The following ENOX1 variants were observed in gnomAD, a reference collection of about 807,000 sequenced individuals.
ENOX1 encodes candidate growth-related and time keeping constitutive hydroquinone (NADH) oxidase.
Under a neutral mutation model 82.5 loss-of-function variants are expected in ENOX1, and 42 were observed. The observed-to-expected ratio is 0.51, with a 90% CI of 0.40 to 0.66. The LOEUF is 0.66. Among genes scored for constraint, ENOX1 ranks in the 30% least tolerant of loss-of-function variants. The pLI is 0.00. For missense variants in ENOX1, 608 were observed against 811.6 expected, an observed-to-expected ratio of 0.75 and a Z score of 3.05; for synonymous variants, 271 against 282.2, an observed-to-expected ratio of 0.96 and a Z score of 0.40.
chr13:43,298,375 G>A lies in ENOX1; in HGVS notation c.1417C>T (p.Leu473=). 6.2e-7 allele frequency: 1 copy of A among 1,611,848 alleles called. No individual in the cohort carries two copies. The highest frequency in any genetic ancestry group is 8.5e-7 in the Non-Finnish European group (1 of 1,179,546). ...TGCATGCCTTGCATGGTTTGCTGCAGAAACTGCAGTTGCTGGTCCTTGGTG... is the reference window on the plus strand; with the variant it reads ...TGCATGCCTTGCATGGTTTGCTGCAAAAACTGCAGTTGCTGGTCCTTGGTG... ...NLTKDQQLQF[L]QQTMQGMQQQ... Residue 473 remains leucine (L), a synonymous_variant, in exon 12 of 17, where the codon CTG becomes TTG. Transcript: ENST00000690772.
intron 15 of ENOX1, among the ~76,000 whole-genome samples, chr13:43,224,486 T>A (rs1566275253): frequency 6.6e-6 from 1 of 152,206 alleles, no homozygotes; most frequent in East Asian, 1.9e-4. Context: ...AAGGATAAAA[T>A]TATCTTTTCT....
chr13:43,506,700 G>A (rs867421989), intron 2 of ENOX1, among the ~76,000 whole-genome samples: 3 of 130,656 alleles, frequency 2.3e-5, no homozygotes, highest in Admixed American at 7.8e-5. Context: ...CATGGATGAA[G>A]CTGGAAACCA....
At chr13:43,589,216 G>GAAAAAAAAAAAAAAAAAAAA (rs58912569) in intron 2 of ENOX1, among the ~76,000 whole-genome samples, 1 of 79,768 alleles carries the variant, frequency 1.3e-5, no homozygotes, top group Non-Finnish European at 2.2e-5. Context: ...GACATTAATG[G>GAAAAAAAAAAAAAAAAAAAA]AAAAAAAAAA....
chr13:43,276,906 G>C (rs963669395), intron 12 of ENOX1, among the ~76,000 whole-genome samples: 3 of 152,176 alleles, frequency 2.0e-5, no homozygotes, highest in Admixed American at 1.3e-4. Flanking sequence ...ATCTATTCTA[G>C]TTTAAAACGT....
chr13:43,726,539 C>G (rs1253310581), intron 1 of ENOX1, among the ~76,000 whole-genome samples: 2 of 152,018 alleles, frequency 1.3e-5, no homozygotes, highest in Non-Finnish European at 2.9e-5. Context: ...TTTAATCATT[C>G]ATTGACCACT....
intron 1 of ENOX1, among the ~76,000 whole-genome samples, chr13:43,784,319 G>A (rs1230397625): frequency 6.6e-6 from 1 of 152,016 alleles, no homozygotes; most frequent in East Asian, 1.9e-4. Flanking sequence ...GGGAAATCAA[G>A]GTATGAACTA....
chr13:43,632,031 C>G (rs2083238362), intron 2 of ENOX1, among the ~76,000 whole-genome samples: 1 of 152,190 alleles, frequency 6.6e-6, no homozygotes. Context: ...GTTTGCCCTT[C>G]TTGGAGCAGC....
chr13:43,731,725 G>A (rs766999788), intron 1 of ENOX1, among the ~76,000 whole-genome samples: 1 of 152,090 alleles, frequency 6.6e-6, no homozygotes, highest in Non-Finnish European at 1.5e-5. Flanking sequence ...CGAAATCACT[G>A]TCTAACTGGC....
intron 3 of ENOX1, among the ~76,000 whole-genome samples, chr13:43,427,063 C>T (rs1000860185): frequency 6.6e-6 from 1 of 152,176 alleles, no homozygotes; most frequent in Non-Finnish European, 1.5e-5. Flanking sequence ...TGACACAGTT[C>T]TCTTCAATCT....
chr13:43,560,269 T>G (rs1412919501), intron 2 of ENOX1, among the ~76,000 whole-genome samples: 1 of 152,214 alleles, frequency 6.6e-6, no homozygotes, highest in Admixed American at 6.5e-5. Flanking sequence ...GCTTTTAGGT[T>G]ACTTCTGAGT....
intron 14 of ENOX1, among the ~76,000 whole-genome samples, chr13:43,247,850 TATATATATATATATATATATATATATA>T (rs2043178535): frequency 0.016 from 34 of 2,192 alleles, 3 homozygotes; most frequent in East Asian, 0.062. Context: ...TATATATATA[TATATATATATATATATATATATATATA>T]TATATATTTT....
intron 3 of ENOX1, among the ~76,000 whole-genome samples, chr13:43,433,086 C>T (rs185562684): frequency 6.6e-6 from 1 of 152,072 alleles, no homozygotes; most frequent in African/African-American, 2.4e-5. Context: ...ATACCCGAGG[C>T]CAAGTACTTT....
rs560772389 is a variant in ENOX1, at chr13:43,445,327, G to T, written c.-74-32339C>A. Among the ~76,000 whole-genome samples the T allele has an allele frequency of 3.3e-5, 5 of 152,160 alleles. No individual in the cohort carries two copies. The South Asian group carries it at 6.2e-4, about 19-fold the overall frequency. On this transcript the variant is annotated intron_variant, in intron 3 of 16. Coordinates refer to ENST00000690772, the MANE Select transcript of ENOX1 (RefSeq NM_001347969.2). ...TTTAGTAGAGATGGGGTTTCACCGTGTTAGCCAGGATGGTCTTGATCTCCT... is the reference window on the plus strand; with the variant it reads ...TTTAGTAGAGATGGGGTTTCACCGTTTTAGCCAGGATGGTCTTGATCTCCT...
At chr13:43,479,944 T>TA (rs1593413307) in intron 3 of ENOX1, among the ~76,000 whole-genome samples, 1 of 151,830 alleles carries the variant, frequency 6.6e-6, no homozygotes, top group East Asian at 1.9e-4. Flanking sequence ...TTTTTATTTT[T>TA]TTTTTTTTGA....
At chr13:43,349,882 AC>A (rs910676939) in intron 8 of ENOX1, among the ~76,000 whole-genome samples, 14 of 81,502 alleles carry the variant, frequency 1.7e-4, no homozygotes, top group African/African-American at 4.7e-4. Flanking sequence ...TGTCCCCACG[AC>A]CAATTAAATC....
chr13:43,307,170 C>A lies in ENOX1; in HGVS notation c.1262-8640G>T, dbSNP rs4942206. On this transcript the variant is annotated intron_variant, in intron 11 of 16. Transcript: ENST00000690772. ...GGGCTGTCTCTGAGCCTCCTCCTCC[C>A]CACTGTTCTCATTACCAACATTGAA... Among the ~76,000 whole-genome samples the A allele has an allele frequency of 2.4e-3, 365 of 152,112 alleles. 1 individual carries two copies. Among genetic ancestry groups the A allele is most frequent in the African/African-American group, 8.4e-3 (348 of 41,450 alleles).
intron 3 of ENOX1, among the ~76,000 whole-genome samples, chr13:43,470,341 CGTAT>C (rs1285499482): frequency 6.2e-4 from 5 of 8,048 alleles, no homozygotes; most frequent in Non-Finnish European, 1.4e-3. Flanking sequence ...TATATATATA[CGTAT>C]ATATATATGT....
rs542615580 is a variant in ENOX1 at position 43,242,218 on chromosome 13, T to C, written c.1612-5480A>G. Among the ~76,000 whole-genome samples, 97 of 152,368 alleles carry C rather than the reference T, an allele frequency of 6.4e-4. No homozygotes were observed. In the South Asian group the frequency reaches 0.019, roughly 31 times the overall value. On this transcript the variant is annotated intron_variant, in intron 14 of 16. Transcript: ENST00000690772. Reference sequence around the variant, plus strand: ...CATGTGATATTTGACACCCTTGACATTGGCCCCTCTTAAACCATCTGCCTC... The same window carrying C: ...CATGTGATATTTGACACCCTTGACACTGGCCCCTCTTAAACCATCTGCCTC...
chr13:43,769,566 A>T (rs932827469), intron 1 of ENOX1, among the ~76,000 whole-genome samples: 2 of 152,210 alleles, frequency 1.3e-5, no homozygotes, highest in Non-Finnish European at 2.9e-5. Flanking sequence ...ATGGAGAAGG[A>T]GATAGTAACA....
Sources: allele counts gnomAD v4.1 joint callset (sites outside exome capture counted in the v4.1 genomes callset), GRCh38; gene constraint gnomAD v4.1.1; transcripts MANE v1.5; gene names NCBI Gene and HGNC (gene_info 2026-07-23, HGNC 2026-07-21).